The following ASAP2 variants were observed in gnomAD, a reference collection of about 807,000 sequenced individuals.
ASAP2 encodes ArfGAP with SH3 domain, ankyrin repeat and PH domain 2, also known as arf-GAP with SH3 domain, ANK repeat and PH domain-containing protein 2.
In ASAP2, 45 loss-of-function variants were observed where a neutral mutation model predicts 131.4. That is an observed-to-expected ratio of 0.34 (90% confidence interval 0.27 to 0.44). ASAP2 has a LOEUF of 0.44. Ranked by LOEUF, ASAP2 falls within the 20% of genes least tolerant of loss-of-function variation. The probability of loss-of-function intolerance (pLI) is 1.00; values close to 1 mark genes in which losing one functional copy is unlikely to be tolerated. For synonymous variants in ASAP2, 510 were observed against 503.0 expected, an observed-to-expected ratio of 1.01 and a Z score of -0.19; for missense variants, 1,011 against 1,297.0, an observed-to-expected ratio of 0.78 and a Z score of 3.39.
intron 1 of ASAP2, among the ~76,000 whole-genome samples, chr2:9,216,171 G>GACTT (rs1662011748): frequency 6.6e-6 from 1 of 152,182 alleles, no homozygotes; most frequent in Non-Finnish European, 1.5e-5. Context: ...TTTTAAGGGA[G>GACTT]ACTTTGCAGT....
chr2:9,333,370 T>C (rs1298953469), intron 7 of ASAP2, among the ~76,000 whole-genome samples: 2 of 152,216 alleles, frequency 1.3e-5, no homozygotes, highest in East Asian at 1.9e-4. Flanking sequence ...GAATACATAA[T>C]TGCAGTTACA....
In ASAP2 at chr2:9,281,647, A is replaced by G. The variant is rs1393140836; in HGVS notation, c.199+2258A>G. ...GGAAGTCAGTTCCAGAGCATGGGAGAGAGAAGGAAGGCCTCTGTGGGCTTC... is the reference window on the plus strand; with the variant it reads ...GGAAGTCAGTTCCAGAGCATGGGAGGGAGAAGGAAGGCCTCTGTGGGCTTC... On this transcript the variant is annotated intron_variant, in intron 2 of 27. Coordinates refer to ENST00000281419, the MANE Select transcript of ASAP2 (RefSeq NM_003887.3). The surrounding 1 kb of genome is among the most constrained non-coding windows in gnomAD (Gnocchi z 4.0). Among the ~76,000 whole-genome samples the G allele has an allele frequency of 1.3e-5, 2 of 152,086 alleles. No individual in the cohort carries two copies. The highest frequency in any genetic ancestry group is 4.8e-5 in the African/African-American group (2 of 41,402).
rs1334115239 is a variant in ASAP2, at chr2:9,374,879, G to A, written c.1681G>A (p.Gly561Arg). ...CEAVKTRDIF[G>R]LLQAYADGVD... The stretch of plus-strand genomic sequence containing the variant: ...GGCCGTCAAAACGAGAGATATTTTT[G>A]GATTGCTCCAAGCTTATGCTGATGG... The change falls in exon 17 of 28, where the codon GGA becomes AGA. Residue 561 changes from glycine (G) to arginine (R), a missense_variant. Around this residue, in one of 2 missense-constraint regions of ASAP2, gnomAD observed 652 missense variants for 698.9 expected, o/e 0.93. Coordinates refer to ENST00000281419, the MANE Select transcript of ASAP2 (RefSeq NM_003887.3). The A allele has an allele frequency of 3.7e-6, 6 of 1,613,930 alleles. No individual in the cohort carries two copies. The highest frequency in any genetic ancestry group is 5.1e-6 in the Non-Finnish European group (6 of 1,180,008).
At chr2:9,261,147 G>A (rs1338622758) in intron 1 of ASAP2, among the ~76,000 whole-genome samples, 1 of 152,204 alleles carries the variant, frequency 6.6e-6, no homozygotes, top group Non-Finnish European at 1.5e-5. Context: ...CTTGCCTGTA[G>A]CTGGGCTGGG....
At chr2:9,341,396 A>G (rs1430055505) in intron 9 of ASAP2, among the ~76,000 whole-genome samples, 2 of 152,278 alleles carry the variant, frequency 1.3e-5, no homozygotes, top group Non-Finnish European at 2.9e-5. Context: ...CTTAATTCAG[A>G]TTTGCCTGCA....
chr2:9,254,362 T>C (rs1256421764), intron 1 of ASAP2, among the ~76,000 whole-genome samples: 2 of 142,486 alleles, frequency 1.4e-5, no homozygotes, highest in Non-Finnish European at 3.1e-5. Flanking sequence ...ACTTTTTTTT[T>C]TTTTTTTGGA....
intron 23 of ASAP2, 103 bp from the exon 24 acceptor site, chr2:9,393,379 G>A (rs1675864958): frequency 9.6e-7 from 1 of 1,040,546 alleles, no homozygotes; most frequent in Non-Finnish European, 1.3e-6. Context: ...TTAGGAAATA[G>A]CAATAAAAAA....
chr2:9,286,463 C>T (rs1667479298), intron 2 of ASAP2, among the ~76,000 whole-genome samples: 1 of 142,460 alleles, frequency 7.0e-6, no homozygotes, highest in South Asian at 2.2e-4. Flanking sequence ...TATATATATA[C>T]TGTATCTGAT....
intron 2 of ASAP2, among the ~76,000 whole-genome samples, chr2:9,287,634 T>A (rs2148348698): frequency 6.6e-6 from 1 of 152,300 alleles, no homozygotes; most frequent in East Asian, 1.9e-4. Context: ...GTGAGCAGAC[T>A]GAGCGGCGAG....
chr2:9,373,119 C>T (rs541380655), intron 16 of ASAP2, among the ~76,000 whole-genome samples: 1 of 152,092 alleles, frequency 6.6e-6, no homozygotes, highest in South Asian at 2.1e-4. Context: ...GCTGTGTGGA[C>T]GGGGAGCATG....
intron 2 of ASAP2, 91 bp downstream of exon 2, chr2:9,279,480 A>C: frequency 8.4e-7 from 1 of 1,193,920 alleles, no homozygotes; most frequent in Admixed American, 1.8e-5. Flanking sequence ...TTAACAAATG[A>C]GCCAGCTAGA....
At chr2:9,341,596 A>C (rs1383267067) in intron 9 of ASAP2, among the ~76,000 whole-genome samples, 1 of 152,168 alleles carries the variant, frequency 6.6e-6, no homozygotes, top group African/African-American at 2.4e-5. Context: ...TACTTTGTGC[A>C]GGGCTTTTTT....
At chr2:9,385,187 T>A in intron 20 of ASAP2, 58 bp from the exon 21 acceptor site, 1 of 1,346,218 alleles carries the variant, frequency 7.4e-7, no homozygotes, top group Non-Finnish European at 1.1e-6. Context: ...CTTCAGTGGG[T>A]CCAGATGCAT....
At chr2:9,275,904 G>T (rs552370763) in intron 1 of ASAP2, among the ~76,000 whole-genome samples, 49 of 152,298 alleles carry the variant, frequency 3.2e-4, no homozygotes, top group African/African-American at 1.2e-3. Context: ...CCACAATATT[G>T]TTTTAACGTG....
chr2:9,350,790 T>G lies in ASAP2; in HGVS notation c.1024-18T>G. ...CACCCAACCCCAACCTTTTTTGTTG[T>G]TTTTTGCTTTTAAACAGGCTAACCG... On this transcript the variant is annotated intron_variant, in intron 11 of 27. Coordinates refer to ENST00000281419, the MANE Select transcript of ASAP2 (RefSeq NM_003887.3). The G allele has an allele frequency of 6.2e-7, 1 of 1,608,356 alleles. No homozygotes were observed. Among genetic ancestry groups the G allele is most frequent in the Non-Finnish European group, 8.5e-7 (1 of 1,176,586 alleles).
intron 3 of ASAP2, among the ~76,000 whole-genome samples, chr2:9,308,847 A>G (rs1247594772): frequency 6.6e-6 from 1 of 152,150 alleles, no homozygotes; most frequent in Non-Finnish European, 1.5e-5. Flanking sequence ...CAAGGGTTGA[A>G]TGGGATTAAA....
At position 9,207,017 on chromosome 2, in the gene ASAP2, C is replaced by T. The variant is rs1661154219; in HGVS notation, c.-88C>T. 28 of 1,113,250 alleles carry T rather than the reference C, an allele frequency of 2.5e-5. No homozygotes were observed. Among genetic ancestry groups the T allele is most frequent in the Non-Finnish European group, 3.0e-5 (27 of 907,962 alleles). The allele number at this position is 1,113,250 out of a possible 1,614,324, so 69.0% of individuals were successfully genotyped here. On this transcript the variant is annotated 5_prime_UTR_variant, in exon 1 of 28. Coordinates refer to ENST00000281419, the MANE Select transcript of ASAP2 (RefSeq NM_003887.3). This position sits in a 1 kb window ranked among gnomAD's most constrained non-coding sequence, Gnocchi z 4.1. Reference sequence around the variant, plus strand: ...CGGGCCGGAGCGGCGGCGGCAGCGGCGGTGTCCGAGCGGCGGTCGGAGCCT... The same window carrying T: ...CGGGCCGGAGCGGCGGCGGCAGCGGTGGTGTCCGAGCGGCGGTCGGAGCCT...
At chr2:9,346,131 T>G (rs767917326) in intron 11 of ASAP2, among the ~76,000 whole-genome samples, 19 of 152,166 alleles carry the variant, frequency 1.2e-4, no homozygotes, top group Non-Finnish European at 2.6e-4. Flanking sequence ...AGTATGGATC[T>G]TAATGGGACA....
chr2:9,334,545 C>G (rs1029662985), intron 7 of ASAP2, among the ~76,000 whole-genome samples, 193 bp from the exon 8 acceptor site: 8 of 152,196 alleles, frequency 5.3e-5, no homozygotes, highest in Non-Finnish European at 1.0e-4. Flanking sequence ...ATTTCCTTTT[C>G]TGTTCGCTCC....
Sources: gnomAD v4.1 joint callset for allele counts (sites outside exome capture counted in the v4.1 genomes callset) on GRCh38, gnomAD v4.1.1 for gene constraint, gnomAD v4.1.1 regional missense constraint, Gnocchi (gnomAD v3.1) non-coding constraint, MANE v1.5 for transcripts, NCBI Gene and HGNC (gene_info 2026-07-23, HGNC 2026-07-21) for gene names.